C8orf34: variants seen among roughly 807,000 people sequenced by gnomAD.
The protein encoded by C8orf34 is chromosome 8 open reading frame 34.
C8orf34 carries 65 observed loss-of-function variants against 68.3 expected under a neutral mutation model. The observed-to-expected ratio is 0.95, with a 90% CI of 0.78 to 1.17. The LOEUF is 1.17. C8orf34 is among the 50% of genes most tolerant of loss of function. The pLI is 0.00. For synonymous variants in C8orf34, 244 were observed against 241.2 expected (o/e 1.01, Z -0.11); for missense variants, 664 against 655.4 (o/e 1.01, Z -0.14).
intron 7 of C8orf34, among the ~76,000 whole-genome samples, chr8:68,537,731 A>T (rs181473297): frequency 4.2e-4 from 64 of 152,018 alleles, no homozygotes; most frequent in African/African-American, 1.3e-3. Context: ...CCCTTTTATT[A>T]CCTTCTAGAT....
At chr8:68,497,365 T>C (rs781106236) in intron 5 of C8orf34, among the ~76,000 whole-genome samples, 2 of 152,234 alleles carry the variant, frequency 1.3e-5, no homozygotes, top group Non-Finnish European at 2.9e-5. Flanking sequence ...TCAGATACTC[T>C]GTTGGTGAGG....
chr8:68,366,394 C>G lies in C8orf34; in HGVS notation c.327+35055C>G, dbSNP rs1460904264. On this transcript the variant is annotated intron_variant, in intron 1 of 13. Coordinates refer to ENST00000518698, the MANE Select transcript of C8orf34 (RefSeq NM_052958.4). ...ACTTTCTTCACAGAATTGAAAAAAA[C>G]TACTTTAAAGTTCATATGGAACCAA... Among the ~76,000 whole-genome samples the G allele has an allele frequency of 5.3e-5, 7 of 131,046 alleles. No homozygotes were observed. The East Asian group carries it at 1.6e-3, about 30-fold the overall frequency. 86.0% of individuals were successfully genotyped at this position (131,046 alleles called of 152,430 possible).
intron 12 of C8orf34, among the ~76,000 whole-genome samples, chr8:68,801,893 AT>A (rs1233507686): frequency 7.6e-6 from 1 of 131,582 alleles, no homozygotes; most frequent in Non-Finnish European, 1.6e-5. Flanking sequence ...TAATGCAGTA[AT>A]TAAAAAAAAA....
At chr8:68,405,475 C>T (rs1421801909) in intron 1 of C8orf34, among the ~76,000 whole-genome samples, 1 of 152,192 alleles carries the variant, frequency 6.6e-6, no homozygotes, top group Non-Finnish European at 1.5e-5. Context: ...ATGGACTCCC[C>T]ACCAGAAATG....
intron 7 of C8orf34, among the ~76,000 whole-genome samples, chr8:68,568,258 T>C (rs1015028820): frequency 6.6e-6 from 1 of 151,744 alleles, no homozygotes; most frequent in African/African-American, 2.4e-5. Context: ...GACTTAAAAT[T>C]TCCTTCAGGA....
chr8:68,408,647 C>G (rs777026661), intron 1 of C8orf34, among the ~76,000 whole-genome samples: 4 of 152,184 alleles, frequency 2.6e-5, no homozygotes. Context: ...TCATGATGAA[C>G]TGCACATATG....
At chr8:68,470,488 A>G (rs1398288562) in intron 4 of C8orf34, among the ~76,000 whole-genome samples, 1 of 152,108 alleles carries the variant, frequency 6.6e-6, no homozygotes, top group Non-Finnish European at 1.5e-5. Context: ...CATTTCAATT[A>G]TGTAGTTGCC....
intron 7 of C8orf34, among the ~76,000 whole-genome samples, chr8:68,583,609 C>G (rs1194043128): frequency 6.6e-6 from 1 of 152,116 alleles, no homozygotes; most frequent in Non-Finnish European, 1.5e-5. Flanking sequence ...AATCCACCTC[C>G]ATTTCTTTAA....
At chr8:68,793,328 G>A (rs566508947) in intron 12 of C8orf34, among the ~76,000 whole-genome samples, 19 of 152,222 alleles carry the variant, frequency 1.2e-4, no homozygotes, top group African/African-American at 4.6e-4. Context: ...GTGTATGAGT[G>A]ATCACTACTC....
intron 5 of C8orf34, among the ~76,000 whole-genome samples, chr8:68,495,975 T>C (rs916164523): frequency 2.6e-5 from 4 of 152,266 alleles, no homozygotes; most frequent in Admixed American, 2.0e-4. Context: ...TTTCTGTTTA[T>C]GTTGTTCTGT....
intron 2 of C8orf34, among the ~76,000 whole-genome samples, chr8:68,445,846 G>A (rs1044156261): frequency 3.3e-5 from 5 of 152,144 alleles, no homozygotes; most frequent in South Asian, 2.1e-4. Flanking sequence ...CTGGAGTGCA[G>A]TGGCACAGTC....
At chr8:68,331,802 T>TTA (rs1275577099) in intron 1 of C8orf34, among the ~76,000 whole-genome samples, 1 of 93,428 alleles carries the variant, frequency 1.1e-5, no homozygotes, top group Non-Finnish European at 2.2e-5. Context: ...TTTTTTTTTT[T>TTA]TTTTTTTTTT....
At chr8:68,437,745 G>C (rs895101613) in intron 1 of C8orf34, among the ~76,000 whole-genome samples, 4 of 152,046 alleles carry the variant, frequency 2.6e-5, no homozygotes, top group South Asian at 2.1e-4. Context: ...TATTACACTT[G>C]TCTAATAAAT....
chr8:68,519,542 C>G (rs1050156891), intron 5 of C8orf34, among the ~76,000 whole-genome samples: 9 of 149,292 alleles, frequency 6.0e-5, no homozygotes, highest in Admixed American at 5.3e-4. Context: ...AATTTTATAG[C>G]AATCTGATAT....
At chr8:68,454,962 C>T (rs1811488447) in intron 3 of C8orf34, among the ~76,000 whole-genome samples, 1 of 151,624 alleles carries the variant, frequency 6.6e-6, no homozygotes, top group African/African-American at 2.4e-5. Flanking sequence ...TTTTTTTTGT[C>T]ACAAAGTATT....
chr8:68,560,735 G>C (rs536924271), intron 7 of C8orf34, among the ~76,000 whole-genome samples: 1 of 152,162 alleles, frequency 6.6e-6, no homozygotes, highest in Admixed American at 6.5e-5. Flanking sequence ...ATAAAAAATG[G>C]TACTCCTGTA....
intron 7 of C8orf34, among the ~76,000 whole-genome samples, chr8:68,573,524 C>G (rs763085310): frequency 3.9e-5 from 6 of 152,102 alleles, no homozygotes; most frequent in Non-Finnish European, 7.3e-5. Context: ...GAGATTTATT[C>G]GTTGTACTAA....
intron 8 of C8orf34, among the ~76,000 whole-genome samples, chr8:68,653,511 G>A (rs1045209783): frequency 1.3e-5 from 2 of 152,182 alleles, no homozygotes; most frequent in African/African-American, 4.8e-5. Flanking sequence ...ACTATAGACT[G>A]GTGGCTTATA....
chr8:68,702,486 T>C (rs1261376155), intron 8 of C8orf34, among the ~76,000 whole-genome samples: 2 of 152,200 alleles, frequency 1.3e-5, no homozygotes, highest in East Asian at 3.8e-4. Flanking sequence ...TCAATTCTTA[T>C]TCAATTCAAA....
Sources: allele counts gnomAD v4.1 joint callset (sites outside exome capture counted in the v4.1 genomes callset), GRCh38; gene constraint gnomAD v4.1.1; transcripts MANE v1.5; gene names NCBI Gene and HGNC (gene_info 2026-07-23, HGNC 2026-07-21).